ADAMTSL3: variants seen among roughly 807,000 people sequenced by gnomAD.
ADAMTSL3 encodes ADAMTS like 3.
Under a neutral mutation model 201.7 loss-of-function variants are expected in ADAMTSL3, and 128 were observed. That is an observed-to-expected ratio of 0.63 (90% CI 0.55 to 0.73). The LOEUF (loss-of-function observed/expected upper bound fraction) is 0.73, where lower values mean the gene tolerates loss of function less well. Ranked by LOEUF, ADAMTSL3 falls within the 30% of genes least tolerant of loss-of-function variation. The pLI, the probability that ADAMTSL3 is intolerant of heterozygous loss-of-function variation, is 0.00. For missense variants in ADAMTSL3, 1,990 were observed against 2,119.6 expected (o/e 0.94, Z 1.20); for synonymous variants, 738 against 748.4 (o/e 0.99, Z 0.23).
At chr15:83,730,337 A>C (rs2062245984) in intron 3 of ADAMTSL3, among the ~76,000 whole-genome samples, 1 of 152,136 alleles carries the variant, frequency 6.6e-6, no homozygotes, top group Non-Finnish European at 1.5e-5. Flanking sequence ...CCTACGGCAC[A>C]CCAAACCAAT....
rs540721761 is a variant in ADAMTSL3 at position 83,804,353 on chromosome 15, C to T, written c.318-297C>T. On this transcript the variant is annotated intron_variant, in intron 4 of 29. Coordinates refer to ENST00000286744, the MANE Select transcript of ADAMTSL3 (RefSeq NM_207517.3). ...CACATATGCACACATGAGACACACA[C>T]ATATTGTACATTAATTGTAGTGGTT... Among the ~76,000 whole-genome samples, 196 of 152,258 alleles carry T rather than the reference C, an allele frequency of 1.3e-3. 1 individual carries two copies. Among genetic ancestry groups the T allele is most frequent in the African/African-American group, 4.5e-3 (189 of 41,554 alleles).
intron 23 of ADAMTSL3, among the ~76,000 whole-genome samples, chr15:83,992,347 G>A (rs767681015): frequency 2.6e-4 from 40 of 152,106 alleles, no homozygotes; most frequent in Non-Finnish European, 5.7e-4. Flanking sequence ...TTCACCCCTT[G>A]GAAATCCCTG....
intron 2 of ADAMTSL3, among the ~76,000 whole-genome samples, chr15:83,670,258 CAAAAAAAAAAAAA>C (rs60947988): frequency 3.1e-5 from 2 of 64,522 alleles, no homozygotes; most frequent in African/African-American, 6.3e-5. Context: ...ACTCTGTCTC[CAAAAAAAAAAAAA>C]AAAAAAAAAA....
intron 3 of ADAMTSL3, among the ~76,000 whole-genome samples, chr15:83,771,151 G>T (rs1235054440): frequency 1.4e-5 from 2 of 140,626 alleles, no homozygotes; most frequent in Non-Finnish European, 3.0e-5. Flanking sequence ...CCTTATACTT[G>T]ATCTGTTTCT....
rs990385100 is a variant in ADAMTSL3, at chr15:83,655,680, G to A, written c.-33-49G>A. ...TGGGTCGCTTAAGTCACGGTTTACT[G>A]CCATGGGGGCCAGAGCTGGTTGGTA... On this transcript the variant is annotated intron_variant, in intron 1 of 29. Coordinates refer to ENST00000286744, the MANE Select transcript of ADAMTSL3 (RefSeq NM_207517.3). 3 of 1,389,108 alleles carry A rather than the reference G, an allele frequency of 2.2e-6. No individual in the cohort carries two copies. The East Asian group carries it at 7.0e-5, about 33-fold the overall frequency. The allele number at this position is 1,389,108 out of a possible 1,614,324, so 86.0% of individuals were successfully genotyped here. A position where few individuals can be genotyped will look rare whatever the true frequency, so the allele number is the denominator to read the frequency against.
intron 20 of ADAMTSL3, among the ~76,000 whole-genome samples, chr15:83,974,018 C>A (rs529786936): frequency 6.6e-6 from 1 of 152,262 alleles, no homozygotes; most frequent in African/African-American, 2.4e-5. Context: ...CCCCTAGAGG[C>A]CAACAGCATA....
intron 2 of ADAMTSL3, among the ~76,000 whole-genome samples, chr15:83,669,696 C>T (rs1327093477): frequency 2.6e-5 from 4 of 151,314 alleles, no homozygotes; most frequent in Non-Finnish European, 5.9e-5. Flanking sequence ...TCTCAATCTC[C>T]TGACGTCGTG....
rs114298445 is a variant in ADAMTSL3 at position 83,731,149 on chromosome 15, G to A, written c.189+26641G>A. Among the ~76,000 whole-genome samples the A allele has an allele frequency of 8.4e-3, 1,273 of 151,946 alleles. 18 individuals are homozygous for A. Among genetic ancestry groups the A allele is most frequent in the African/African-American group, 0.027 (1,126 of 41,448 alleles). Reference sequence around the variant, plus strand: ...TGGTTTATGTGTTTGTTTTTATGCCGGTACCATACTGTTTTGATTACTGTA... The same window carrying A: ...TGGTTTATGTGTTTGTTTTTATGCCAGTACCATACTGTTTTGATTACTGTA... On this transcript the variant is annotated intron_variant, in intron 3 of 29. Transcript: ENST00000286744.
intron 10 of ADAMTSL3, among the ~76,000 whole-genome samples, chr15:83,886,488 A>C (rs1567214653): frequency 6.6e-6 from 1 of 152,162 alleles, no homozygotes; most frequent in Non-Finnish European, 1.5e-5. Flanking sequence ...TCAGCTAGTA[A>C]ACAGTGCAGC....
At chr15:83,910,883 GC>G (rs920985934) in intron 15 of ADAMTSL3, among the ~76,000 whole-genome samples, 5 of 149,554 alleles carry the variant, frequency 3.3e-5, no homozygotes, top group Non-Finnish European at 5.9e-5. Flanking sequence ...CAGGTGATTC[GC>G]CCGCCTCAGC....
intron 17 of ADAMTSL3, among the ~76,000 whole-genome samples, chr15:83,935,429 G>A (rs557671550): frequency 2.6e-5 from 4 of 151,918 alleles, no homozygotes; most frequent in Admixed American, 1.3e-4. Flanking sequence ...ATGATAAAAA[G>A]GACTTCATGA....
At chr15:84,012,668 A>G (rs979678431) in intron 23 of ADAMTSL3, among the ~76,000 whole-genome samples, 1 of 152,206 alleles carries the variant, frequency 6.6e-6, no homozygotes, top group African/African-American at 2.4e-5. Context: ...TACATCTGCA[A>G]ATTCCTTCAC....
At chr15:83,736,572 A>G (rs1410155941) in intron 3 of ADAMTSL3, among the ~76,000 whole-genome samples, 2 of 152,232 alleles carry the variant, frequency 1.3e-5, no homozygotes, top group African/African-American at 4.8e-5. Context: ...ATTCAGGAGG[A>G]ATTCTGTGGT....
chr15:83,812,463 C>T (rs1476942415), intron 5 of ADAMTSL3, among the ~76,000 whole-genome samples: 1 of 152,196 alleles, frequency 6.6e-6, no homozygotes, highest in Non-Finnish European at 1.5e-5. Context: ...CCCCCTGATT[C>T]AAACATGCCT....
At chr15:84,022,639 T>G (rs2068225089) in intron 26 of ADAMTSL3, among the ~76,000 whole-genome samples, 1 of 152,230 alleles carries the variant, frequency 6.6e-6, no homozygotes. Context: ...GACTATCTTG[T>G]ACATCTTTTT....
At chr15:83,689,939 G>A (rs2061589659) in intron 2 of ADAMTSL3, among the ~76,000 whole-genome samples, 1 of 152,156 alleles carries the variant, frequency 6.6e-6, no homozygotes, top group Non-Finnish European at 1.5e-5. Context: ...TGGAAAGAAT[G>A]TAAAAAACGG....
chr15:83,772,434 G>A (rs2062999782), intron 3 of ADAMTSL3, among the ~76,000 whole-genome samples: 1 of 152,082 alleles, frequency 6.6e-6, no homozygotes, highest in African/African-American at 2.4e-5. Context: ...CTTTTTACTT[G>A]TAATTTCCCT....
At chr15:83,906,962 C>T (rs1381611408) in intron 15 of ADAMTSL3, among the ~76,000 whole-genome samples, 14 of 151,860 alleles carry the variant, frequency 9.2e-5, no homozygotes, top group Non-Finnish European at 2.1e-4. Context: ...CAGTGGCAGG[C>T]ACCTGTAGTC....
At chr15:83,926,113 C>T (rs557227227) in intron 17 of ADAMTSL3, among the ~76,000 whole-genome samples, 8 of 152,044 alleles carry the variant, frequency 5.3e-5, no homozygotes, top group African/African-American at 1.2e-4. Context: ...GCAGGGAAGC[C>T]GGGGAGGTTG....
Sources: allele counts gnomAD v4.1 joint callset (sites outside exome capture counted in the v4.1 genomes callset), GRCh38; gene constraint gnomAD v4.1.1; transcripts MANE v1.5; gene names NCBI Gene and HGNC (gene_info 2026-07-23, HGNC 2026-07-21).